OR11H4: variants seen among roughly 807,000 people sequenced by gnomAD.
OR11H4 encodes olfactory receptor family 11 subfamily H member 4, also known as olfactory receptor 11H4.
For missense variants in OR11H4, 460 were observed against 371.1 expected, an observed-to-expected ratio of 1.24 and a Z score of -1.97; for synonymous variants, 162 against 142.3, an observed-to-expected ratio of 1.14 and a Z score of -0.98.
Position 20,243,613 on chromosome 14 carries a change from TG to T in OR11H4, c.795del (p.Ile266SerfsTer15). ...VMVMYVSPTY[G>X]IPTLLQKILT... ...TGGTAATGTATGTAAGTCCTACATA[TG>T]GGATCCCAACTTTATTGCAGAAGAT... On this transcript the variant is annotated frameshift_variant, in exon 2 of 2. Transcript: ENST00000641082. LOFTEE classifies it low-confidence loss of function (END_TRUNC). 1 of 1,613,946 alleles carries T rather than the reference TG, an allele frequency of 6.2e-7. No individual in the cohort carries two copies. The highest frequency in any genetic ancestry group is 8.5e-7 in the Non-Finnish European group (1 of 1,179,938).
intron 1 of OR11H4, among the ~76,000 whole-genome samples, chr14:20,240,097 T>C (rs1292783997): frequency 6.6e-6 from 1 of 152,174 alleles, no homozygotes; most frequent in Non-Finnish European, 1.5e-5. Flanking sequence ...GAGAATGTCC[T>C]AAACTGTTAT....
chr14:20,240,204 T>C (rs1880884716), intron 1 of OR11H4, among the ~76,000 whole-genome samples: 1 of 152,168 alleles, frequency 6.6e-6, no homozygotes, highest in Non-Finnish European at 1.5e-5. Context: ...TTCTCTGACC[T>C]GTGTATAGCA....
At position 20,243,252 on chromosome 14, in the gene OR11H4, T is replaced by C; in HGVS notation, c.431T>C (p.Leu144Pro). Residue 144 changes from leucine to proline, a missense_variant, in exon 2 of 2, where the codon CTG (leucine) becomes CCG (proline). Physicochemically the swap from Leu to Pro is moderately conservative, Grantham distance 98. Coordinates refer to ENST00000641082, the MANE Select transcript of OR11H4 (RefSeq NM_001004479.2). Reference protein sequence around the residue: ...AIMTVRFCGKLVSFCWLIGFL... With the variant: ...AIMTVRFCGKPVSFCWLIGFL... The stretch of plus-strand genomic sequence containing the variant: ...ATGACTGTAAGGTTCTGTGGTAAGC[T>C]GGTGTCTTTCTGTTGGCTTATTGGA... The C allele has an allele frequency of 6.2e-7, 1 of 1,614,200 alleles. No homozygotes were observed. Among genetic ancestry groups the C allele is most frequent in the Non-Finnish European group, 8.5e-7 (1 of 1,180,040 alleles).
intron 1 of OR11H4, among the ~76,000 whole-genome samples, chr14:20,241,529 A>T (rs7156806): frequency 6.6e-6 from 1 of 151,938 alleles, no homozygotes; most frequent in Non-Finnish European, 1.5e-5. Flanking sequence ...AAAGAAAATA[A>T]ATTTGTCTGG....
intron 1 of OR11H4, 127 bp from the exon 2 acceptor site, chr14:20,242,684 A>G: frequency 9.3e-7 from 1 of 1,077,532 alleles, no homozygotes; most frequent in Non-Finnish European, 1.3e-6. Flanking sequence ...ACCTGGTCTC[A>G]GATTATCTCA....
rs1479929849 is a variant in OR11H4, at chr14:20,243,827, C to A, written c.*61C>A. ...GAACAAGGTCGAGATGTTGTCAGTT[C>A]TTTAGCAGTCTTTCAGTCCTCAGTC... On this transcript the variant is annotated 3_prime_UTR_variant, in exon 2 of 2. Transcript: ENST00000641082. 2 of 1,485,826 alleles carry A rather than the reference C, an allele frequency of 1.3e-6. No individual in the cohort carries two copies. Among genetic ancestry groups the A allele is most frequent in the African/African-American group, 2.8e-5 (2 of 71,226 alleles). The allele number at this position is 1,485,826 out of a possible 1,614,324, so 92.0% of individuals were successfully genotyped here.
At chr14:20,239,971 A>C (rs1475278993) in intron 1 of OR11H4, among the ~76,000 whole-genome samples, 1 of 152,036 alleles carries the variant, frequency 6.6e-6, no homozygotes, top group Non-Finnish European at 1.5e-5. Flanking sequence ...TCATTCCATT[A>C]CTTATCTACA....
At position 20,242,792 on chromosome 14, in the gene OR11H4, A is replaced by G. The variant is rs377363374; in HGVS notation, c.-11-19A>G. The G allele has an allele frequency of 6.2e-7, 1 of 1,609,668 alleles. No individual in the cohort carries two copies. The highest frequency in any genetic ancestry group is 8.5e-7 in the Non-Finnish European group (1 of 1,177,674). On this transcript the variant is annotated intron_variant, in intron 1 of 1. Transcript: ENST00000641082. ...ACTCCAAGAGACTTGGATTACACTCATGTCTTTCTTCTTTGTAGACTTAAG... is the reference window on the plus strand; with the variant it reads ...ACTCCAAGAGACTTGGATTACACTCGTGTCTTTCTTCTTTGTAGACTTAAG...
chr14:20,244,098 A>G lies in OR11H4; in HGVS notation c.*332A>G, dbSNP rs1566372120. The G allele has an allele frequency of 5.2e-6, 1 of 193,130 alleles. No homozygotes were observed. The highest frequency in any genetic ancestry group is 1.1e-5 in the Non-Finnish European group (1 of 94,588). The allele number at this position is 193,130 out of a possible 1,614,324, so 12.0% of individuals were successfully genotyped here. A position where few individuals can be genotyped will look rare whatever the true frequency, so the allele number is the denominator to read the frequency against. On this transcript the variant is annotated 3_prime_UTR_variant, in exon 2 of 2. Transcript: ENST00000641082. ...AAGACAATAAACCCAACTTTGTTCAACTACAGGTATGCTCCTAGGAGTCTT... is the reference window on the plus strand; with the variant it reads ...AAGACAATAAACCCAACTTTGTTCAGCTACAGGTATGCTCCTAGGAGTCTT...
intron 1 of OR11H4, 24 bp from the exon 2 acceptor site, chr14:20,242,787 C>G: frequency 6.2e-7 from 1 of 1,607,394 alleles, no homozygotes; most frequent in Admixed American, 1.7e-5. Flanking sequence ...ACTTGGATTA[C>G]ACTCATGTCT....
chr14:20,242,500 G>T (rs1173803135), intron 1 of OR11H4, among the ~76,000 whole-genome samples: 1 of 152,138 alleles, frequency 6.6e-6, no homozygotes, highest in Non-Finnish European at 1.5e-5. Context: ...TAAAGTACAG[G>T]TCTTTTTCAA....
intron 1 of OR11H4, among the ~76,000 whole-genome samples, chr14:20,241,272 C>G (rs1880911312): frequency 6.6e-6 from 1 of 152,120 alleles, no homozygotes; most frequent in Non-Finnish European, 1.5e-5. Context: ...AAAATAAACA[C>G]TGCCGTTCGT....
Position 20,243,112 on chromosome 14 carries a change from C to T in OR11H4, c.291C>T (p.Cys97=), listed in dbSNP as rs1880974946. Residue 97 remains cysteine (C), a synonymous_variant, in exon 2 of 2, where the codon TGC becomes TGT. Coordinates refer to ENST00000641082, the MANE Select transcript of OR11H4 (RefSeq NM_001004479.2). ...CCAAGGCCATCTCATTTTCTGGGTG[C>T]TTCCTCCAGTTCTATTTCTTCTTTT... is the stretch of plus-strand genomic sequence containing the variant. The part of the protein sequence containing the change: ...SKTKAISFSG[C]FLQFYFFFSL... 2.5e-6 allele frequency: 4 copies of T among 1,614,014 alleles called. No homozygotes were observed. Among genetic ancestry groups the T allele is most frequent in the African/African-American group, 1.3e-5 (1 of 74,908 alleles).
Position 20,243,468 on chromosome 14 carries a change from G to C in OR11H4, c.647G>C (p.Arg216Pro). ...TTTTTCACTAGTATGTACATTCTTC[G>C]ATCCTATATCCTGTTACTAACAGCT... ...VLFFTSMYIL[R>P]SYILLLTAVF... is the part of the protein sequence containing the mutation. Residue 216 changes from arginine (R) to proline (P), a missense_variant, in exon 2 of 2, where the codon CGA becomes CCA. Transcript: ENST00000641082. 6.2e-7 allele frequency: 1 copy of C among 1,613,696 alleles called. No homozygotes were observed. The highest frequency in any genetic ancestry group is 8.5e-7 in the Non-Finnish European group (1 of 1,179,886).
In OR11H4 at chr14:20,243,041, G is replaced by GT. The variant is rs767757990; in HGVS notation, c.221dup (p.Ser75ValfsTer6). The GT allele has an allele frequency of 6.2e-7, 1 of 1,614,146 alleles. No homozygotes were observed. Among genetic ancestry groups the GT allele is most frequent in the Non-Finnish European group, 8.5e-7 (1 of 1,180,040 alleles). ...TTTTGCCTTCCTTGAGATCTGGTAT[G>GT]TGTCCTCCACTATTCCTAACATGCT... On this transcript the variant is annotated frameshift_variant, in exon 2 of 2. Coordinates refer to ENST00000641082, the MANE Select transcript of OR11H4 (RefSeq NM_001004479.2). LOFTEE classifies it low-confidence loss of function (END_TRUNC).
chr14:20,242,662 G>C (rs1447781482), intron 1 of OR11H4, 149 bp from the exon 2 acceptor site: 2 of 828,910 alleles, frequency 2.4e-6, no homozygotes, highest in Admixed American at 2.6e-5. Flanking sequence ...AAATTTGGTA[G>C]GACATATTCC....
chr14:20,242,957 A>G lies in OR11H4; in HGVS notation c.136A>G (p.Ile46Val). ...VLTLLGNGAI[I>V]YAVRCNPLLH... ...GACCTTGCTGGGAAATGGAGCCATC[A>G]TCTATGCAGTGAGATGCAACCCACT... The change falls in exon 2 of 2, where the codon ATC becomes GTC. Residue 46 changes from isoleucine (I) to valine (V), a missense_variant. Ile to Val is a conservative substitution (Grantham distance 29, BLOSUM62 3). Transcript: ENST00000641082. 1 of 1,614,142 alleles carries G rather than the reference A, an allele frequency of 6.2e-7. No individual in the cohort carries two copies. The highest frequency in any genetic ancestry group is 8.5e-7 in the Non-Finnish European group (1 of 1,180,026).
Position 20,243,199 on chromosome 14 carries a change from C to T in OR11H4, c.378C>T (p.Ile126=). 1 of 1,614,174 alleles carries T rather than the reference C, an allele frequency of 6.2e-7. No individual in the cohort carries two copies. The highest frequency in any genetic ancestry group is 8.5e-7 in the Non-Finnish European group (1 of 1,180,006). The change falls in exon 2 of 2, where the codon ATC becomes ATT. Residue 126 remains isoleucine (I), a synonymous_variant. Coordinates refer to ENST00000641082, the MANE Select transcript of OR11H4 (RefSeq NM_001004479.2). ...TGGCTTATGATCGATACCTGGCCATCTGCCACCCACTGCAGTACCCTGCCA... is the reference window on the plus strand; with the variant it reads ...TGGCTTATGATCGATACCTGGCCATTTGCCACCCACTGCAGTACCCTGCCA... ...AVMAYDRYLA[I]CHPLQYPAIM...
In OR11H4 at chr14:20,241,975, A is replaced by G. The variant is rs372532410; in HGVS notation, c.-11-836A>G. On this transcript the variant is annotated intron_variant, in intron 1 of 1. Transcript: ENST00000641082. Reference sequence around the variant, plus strand: ...CTGCCAACATGTCTCGCTTCCCACCATAGGGCGGTTTTTCTCCTATCTCAG... The same window carrying G: ...CTGCCAACATGTCTCGCTTCCCACCGTAGGGCGGTTTTTCTCCTATCTCAG... 1.1e-4 allele frequency among the ~76,000 whole-genome samples: 17 copies of G among 152,204 alleles called. 1 individual carries two copies. Among genetic ancestry groups the G allele is most frequent in the African/African-American group, 3.9e-4 (16 of 41,530 alleles).
Sources: gnomAD v4.1 joint callset for allele counts (sites outside exome capture counted in the v4.1 genomes callset) on GRCh38, gnomAD v4.1.1 for gene constraint, MANE v1.5 for transcripts, NCBI Gene and HGNC (gene_info 2026-07-23, HGNC 2026-07-21) for gene names.